The following NEBL variants were observed in gnomAD, a reference collection of about 807,000 sequenced individuals.
NEBL encodes the protein LIM and SH3 protein 2.
Under a neutral mutation model 140.2 loss-of-function variants are expected in NEBL, and 122 were observed. That is an observed-to-expected ratio of 0.87 (90% CI 0.75 to 1.01). The LOEUF (loss-of-function observed/expected upper bound fraction) is 1.01. NEBL is among the 50% of genes least tolerant of loss of function. The pLI, the probability that NEBL is intolerant of heterozygous loss-of-function variation, is 0.00. For synonymous variants in NEBL, 436 were observed against 398.9 expected (o/e 1.09, Z -1.11); for missense variants, 1,365 against 1,231.3 (o/e 1.11, Z -1.62).
At chr10:21,171,151 C>G (rs1266702178) in intron 2 of NEBL, among the ~76,000 whole-genome samples, 1 of 152,062 alleles carries the variant, frequency 6.6e-6, no homozygotes, top group Non-Finnish European at 1.5e-5. Flanking sequence ...GCCTGACCAA[C>G]ATGGAGAAAC....
intron 3 of NEBL, among the ~76,000 whole-genome samples, chr10:20,970,248 G>GACTC (rs1259562937): frequency 6.6e-6 from 1 of 152,156 alleles, no homozygotes; most frequent in Non-Finnish European, 1.5e-5. Context: ...CACACATGTT[G>GACTC]ACTCACTCAC....
intron 3 of NEBL, among the ~76,000 whole-genome samples, chr10:21,207,720 A>C (rs931537689): frequency 6.6e-6 from 1 of 152,128 alleles, no homozygotes; most frequent in Non-Finnish European, 1.5e-5. Context: ...GACTGGTTGC[A>C]TCTCTCAGCC....
chr10:21,143,906 T>C (rs751207075), intron 2 of NEBL, among the ~76,000 whole-genome samples: 1 of 150,784 alleles, frequency 6.6e-6, no homozygotes, highest in Non-Finnish European at 1.5e-5. Flanking sequence ...CCAGAAAAAC[T>C]TTATATCAAG....
intron 3 of NEBL, among the ~76,000 whole-genome samples, chr10:21,240,907 T>TACACACACACACACACACAC (rs61704937): frequency 4.4e-5 from 6 of 137,278 alleles, no homozygotes; most frequent in South Asian, 2.4e-4. Flanking sequence ...CACGCACACA[T>TACACACACACACACACACAC]ACACACACAC....
At chr10:20,981,490 C>G (rs1201695060) in intron 3 of NEBL, among the ~76,000 whole-genome samples, 1 of 152,190 alleles carries the variant, frequency 6.6e-6, no homozygotes, top group Non-Finnish European at 1.5e-5. Flanking sequence ...CAGCATTTGT[C>G]ATTCCTTGAG....
intron 3 of NEBL, among the ~76,000 whole-genome samples, chr10:21,018,107 C>T (rs1324113970): frequency 1.3e-5 from 2 of 152,154 alleles, no homozygotes; most frequent in African/African-American, 4.8e-5. Context: ...CAGGCATGAG[C>T]CCCCGTGCCC....
At chr10:21,110,181 G>A (rs1201982969) in intron 2 of NEBL, among the ~76,000 whole-genome samples, 1 of 152,094 alleles carries the variant, frequency 6.6e-6, no homozygotes, top group Non-Finnish European at 1.5e-5. Flanking sequence ...TGAGAATCAA[G>A]GTCATGCTGG....
intron 7 of NEBL, among the ~76,000 whole-genome samples, chr10:20,865,678 T>C (rs1844200806): frequency 6.6e-6 from 1 of 152,158 alleles, no homozygotes; most frequent in South Asian, 2.1e-4. Flanking sequence ...TATGTAGAGC[T>C]TAGAGTCACC....
At chr10:20,888,978 G>C (rs982840729) in intron 3 of NEBL, among the ~76,000 whole-genome samples, 21 of 152,160 alleles carry the variant, frequency 1.4e-4, no homozygotes, top group African/African-American at 5.1e-4. Context: ...CACAGATCCT[G>C]TGCTAGCCTT....
intron 25 of NEBL, among the ~76,000 whole-genome samples, chr10:20,809,516 T>G (rs997161327): frequency 6.6e-6 from 1 of 152,180 alleles, no homozygotes; most frequent in Non-Finnish European, 1.5e-5. Context: ...TCTCAGCACT[T>G]TAGTGCAATC....
intron 2 of NEBL, among the ~76,000 whole-genome samples, chr10:21,137,685 C>A (rs549689690): frequency 1.3e-5 from 2 of 152,202 alleles, no homozygotes; most frequent in Admixed American, 1.3e-4. Flanking sequence ...GTAATCCCAG[C>A]ACTTTGGGAG....
intron 20 of NEBL, among the ~76,000 whole-genome samples, chr10:20,818,074 C>T (rs960511163): frequency 7.9e-5 from 12 of 152,086 alleles, no homozygotes; most frequent in African/African-American, 1.9e-4. Context: ...GTCTTCTGAC[C>T]GTGGGGCTTC....
intron 2 of NEBL, among the ~76,000 whole-genome samples, chr10:21,092,004 A>G (rs950259131): frequency 2.0e-5 from 3 of 152,180 alleles, no homozygotes; most frequent in Non-Finnish European, 2.9e-5. Context: ...ATTTAACCCT[A>G]TAACATATCT....
At chr10:20,898,691 A>G (rs576546892), upstream of NEBL, among the ~76,000 whole-genome samples, 15 of 152,308 alleles carry the variant, frequency 9.8e-5, no homozygotes, top group South Asian at 2.7e-3. Context: ...GAAGACCTTC[A>G]ACCAAAAAAC....
At chr10:20,844,817 C>CT (rs1238792121) in intron 12 of NEBL, among the ~76,000 whole-genome samples, 1 of 152,146 alleles carries the variant, frequency 6.6e-6, no homozygotes, top group Middle Eastern at 3.4e-3. Flanking sequence ...GAACTCTGGT[C>CT]TTTTTCCTCC....
chr10:20,799,924 C>CGTGT lies in NEBL; in HGVS notation c.2761+8582_2761+8585dup, dbSNP rs145863273. Among the ~76,000 whole-genome samples, 711 of 149,492 alleles carry CGTGT rather than the reference C, an allele frequency of 4.8e-3. 5 individuals carry two copies. The highest frequency in any genetic ancestry group is 0.024 in the South Asian group (112 of 4,706). On this transcript the variant is annotated intron_variant, in intron 26 of 27. Transcript: ENST00000377122. ...AAATTATCATACCTACCATCTGGCA[C>CGTGT]GTGTGTGTGTGTGTGTGTGTGTGTG...
chr10:21,266,717 G>A (rs1842800836), intron 1 of NEBL, among the ~76,000 whole-genome samples: 1 of 152,196 alleles, frequency 6.6e-6, no homozygotes, highest in Middle Eastern at 3.2e-3. Context: ...AAGCACTAAG[G>A]TGAGCATCTC....
intron 24 of NEBL, 53 bp from the exon 25 acceptor site, chr10:20,809,951 A>C: frequency 5.2e-6 from 2 of 380,964 alleles, no homozygotes. Context: ...TTAAAAAAGG[A>C]AAAAAAAAAA....
At chr10:20,835,467 G>T in intron 14 of NEBL, 46 bp downstream of exon 14, 5 of 1,369,548 alleles carry the variant, frequency 3.7e-6, no homozygotes, top group Non-Finnish European at 5.2e-6. Context: ...GATTTGTTAG[G>T]TTCCAAAATA....
Sources: gnomAD v4.1 joint callset for allele counts (sites outside exome capture counted in the v4.1 genomes callset) on GRCh38, gnomAD v4.1.1 for gene constraint, MANE v1.5 for transcripts, NCBI Gene and HGNC (gene_info 2026-07-23, HGNC 2026-07-21) for gene names.